Variants in MAPK10 observed in about 807,000 individuals in gnomAD.
MAPK10 encodes JNK3 alpha protein kinase.
A neutral mutation model predicts 59.3 loss-of-function variants in MAPK10; 25 were observed. The observed-to-expected ratio is 0.42, with a 90% confidence interval of 0.31 to 0.59. The LOEUF (loss-of-function observed/expected upper bound fraction) is 0.59, where lower values mean the gene tolerates loss of function less well. MAPK10 is among the 20% of genes least tolerant of loss of function. The pLI is 0.15. For synonymous variants in MAPK10, 190 were observed against 200.5 expected (o/e 0.95, Z 0.44); for missense variants, 351 against 568.9 (o/e 0.62, Z 3.90).
intron 9 of MAPK10, among the ~76,000 whole-genome samples, chr4:86,076,913 T>TCTTA (rs1340306037): frequency 1.3e-4 from 20 of 152,180 alleles, no homozygotes; most frequent in Non-Finnish European, 1.0e-4. Context: ...GATTTACAGA[T>TCTTA]CTTAGCCCTG....
At chr4:86,563,877 G>C (rs556073357) in intron 1 of MAPK10, among the ~76,000 whole-genome samples, 2 of 152,084 alleles carry the variant, frequency 1.3e-5, no homozygotes, top group Non-Finnish European at 2.9e-5. Flanking sequence ...TGTCACCCAG[G>C]CTGGAGTACA....
At chr4:86,064,076 A>G (rs2046259939) in intron 11 of MAPK10, among the ~76,000 whole-genome samples, 190 bp downstream of exon 11, 2 of 152,214 alleles carry the variant, frequency 1.3e-5, no homozygotes. Flanking sequence ...CTCTTCTAGT[A>G]AGTCCTGAAA....
intron 2 of MAPK10, among the ~76,000 whole-genome samples, chr4:86,226,340 T>C (rs2090611878): frequency 6.6e-6 from 1 of 152,228 alleles, no homozygotes. Flanking sequence ...AGTGGAAAGT[T>C]GTATTTCAAG....
At chr4:86,366,697 T>G (rs2080632965) in intron 1 of MAPK10, among the ~76,000 whole-genome samples, 1 of 152,182 alleles carries the variant, frequency 6.6e-6, no homozygotes, top group African/African-American at 2.4e-5. Flanking sequence ...TAAGGAGATT[T>G]CTGGGTTCAG....
chr4:86,578,373 C>A (rs1043647972), intron 1 of MAPK10, among the ~76,000 whole-genome samples: 1 of 152,128 alleles, frequency 6.6e-6, no homozygotes, highest in African/African-American at 2.4e-5. Context: ...ATTTAAATCC[C>A]AGCAGCTCTT....
intron 1 of MAPK10, among the ~76,000 whole-genome samples, chr4:86,547,520 G>A (rs552022171): frequency 2.8e-4 from 42 of 152,336 alleles, no homozygotes; most frequent in Non-Finnish European, 5.3e-4. Context: ...CCTGCAGCCC[G>A]CCATGCCTGA....
chr4:86,150,696 C>A (rs943613611), intron 4 of MAPK10, among the ~76,000 whole-genome samples: 1 of 152,046 alleles, frequency 6.6e-6, no homozygotes, highest in Non-Finnish European at 1.5e-5. Flanking sequence ...CCCGTCTCTA[C>A]TAAAAACACA....
intron 1 of MAPK10, among the ~76,000 whole-genome samples, chr4:86,489,925 T>C (rs963563461): frequency 1.3e-5 from 2 of 152,180 alleles, no homozygotes; most frequent in African/African-American, 4.8e-5. Context: ...TGTTCCACTC[T>C]CAGTAGTCAG....
chr4:86,180,741 G>A (rs2076755082), intron 3 of MAPK10, among the ~76,000 whole-genome samples: 1 of 151,990 alleles, frequency 6.6e-6, no homozygotes, highest in Non-Finnish European at 1.5e-5. Context: ...AGTGAAATAA[G>A]AGAAGAACAG....
chr4:86,484,536 T>C (rs1394983382), intron 1 of MAPK10, among the ~76,000 whole-genome samples: 1 of 152,174 alleles, frequency 6.6e-6, no homozygotes, highest in East Asian at 1.9e-4. Flanking sequence ...GTAATCATTT[T>C]ATCATCTGGA....
intron 3 of MAPK10, among the ~76,000 whole-genome samples, chr4:86,161,550 G>A (rs1427419689): frequency 6.6e-6 from 1 of 151,120 alleles, no homozygotes; most frequent in Middle Eastern, 3.2e-3. Context: ...AGCAACTGGA[G>A]CTAGAATATA....
At chr4:86,210,033 G>A (rs921948823) in intron 2 of MAPK10, among the ~76,000 whole-genome samples, 6 of 152,028 alleles carry the variant, frequency 3.9e-5, no homozygotes, top group Non-Finnish European at 8.8e-5. Flanking sequence ...GGAAAGAACA[G>A]TCTCTTCAAT....
chr4:86,541,947 GCACACACACACACACACACA>G (rs10555824), intron 1 of MAPK10, among the ~76,000 whole-genome samples: 13 of 140,474 alleles, frequency 9.3e-5, no homozygotes, highest in East Asian at 6.4e-4. Context: ...GAATACACCG[GCACACACACACACACACACA>G]CACACACACA....
chr4:86,391,664 T>C (rs970972172), intron 1 of MAPK10, among the ~76,000 whole-genome samples: 3 of 152,190 alleles, frequency 2.0e-5, no homozygotes, highest in African/African-American at 7.2e-5. Flanking sequence ...AATTCCTGCA[T>C]TGACTCTGAG....
At chr4:86,049,054 T>C (rs1191938415) in intron 11 of MAPK10, among the ~76,000 whole-genome samples, 1 of 152,086 alleles carries the variant, frequency 6.6e-6, no homozygotes, top group Non-Finnish European at 1.5e-5. Context: ...AAAGCATTTG[T>C]GTACCACATT....
At chr4:86,547,990 A>C (rs1759379657) in intron 1 of MAPK10, among the ~76,000 whole-genome samples, 1 of 152,234 alleles carries the variant, frequency 6.6e-6, no homozygotes, top group Non-Finnish European at 1.5e-5. Flanking sequence ...GTGGAGCCAG[A>C]CAAGAGAATA....
intron 13 of MAPK10, among the ~76,000 whole-genome samples, chr4:86,021,447 G>A (rs1317255550): frequency 6.6e-6 from 1 of 152,124 alleles, no homozygotes; most frequent in Non-Finnish European, 1.5e-5. Flanking sequence ...CAAACCTTGA[G>A]CTAAACACAG....
chr4:86,035,888 T>C (rs895878334), intron 11 of MAPK10, among the ~76,000 whole-genome samples: 1 of 152,172 alleles, frequency 6.6e-6, no homozygotes, highest in African/African-American at 2.4e-5. Flanking sequence ...GAGATGTGTA[T>C]AGATTTGAGA....
chr4:86,070,385 T>C (rs547094914), intron 9 of MAPK10, among the ~76,000 whole-genome samples: 111 of 152,196 alleles, frequency 7.3e-4, no homozygotes, highest in South Asian at 3.7e-3. Flanking sequence ...CTTTATTTTT[T>C]TTTCTTTTTC....
Sources: gnomAD v4.1 joint callset for allele counts (sites outside exome capture counted in the v4.1 genomes callset) on GRCh38, gnomAD v4.1.1 for gene constraint, MANE v1.5 for transcripts, NCBI Gene and HGNC (gene_info 2026-07-23, HGNC 2026-07-21) for gene names.